Variants in CAMTA1 observed in about 807,000 individuals in gnomAD.
The protein encoded by CAMTA1 is calmodulin binding transcription activator 1, also known as calmodulin-binding transcription activator 1.
CAMTA1 carries 27 observed loss-of-function variants against 170.9 expected under a neutral mutation model. The observed-to-expected ratio is 0.16, with a 90% CI of 0.12 to 0.22. The LOEUF is 0.22. Ranked by LOEUF, CAMTA1 falls within the 10% of genes least tolerant of loss-of-function variation. The pLI is 1.00. For synonymous variants in CAMTA1, 833 were observed against 891.5 expected (o/e 0.93, Z 1.17); for missense variants, 1,619 against 2,217.2 (o/e 0.73, Z 5.42).
At chr1:7,262,014 A>G (rs1012269198) in intron 5 of CAMTA1, among the ~76,000 whole-genome samples, 1 of 152,202 alleles carries the variant, frequency 6.6e-6, no homozygotes, top group Non-Finnish European at 1.5e-5. Flanking sequence ...ATCCTTTTAT[A>G]TGATGTGGTG....
At chr1:7,728,074 T>C (rs1344807998) in intron 11 of CAMTA1, among the ~76,000 whole-genome samples, 1 of 152,264 alleles carries the variant, frequency 6.6e-6, no homozygotes, top group African/African-American at 2.4e-5. Context: ...TAATTGCTTC[T>C]GAGTATTTTC....
At chr1:7,444,395 C>A (rs113795993) in intron 5 of CAMTA1, among the ~76,000 whole-genome samples, 76 of 152,290 alleles carry the variant, frequency 5.0e-4, no homozygotes, top group African/African-American at 1.8e-3. Context: ...TGGGCTGGCA[C>A]CAGCCTGAGC....
intron 3 of CAMTA1, among the ~76,000 whole-genome samples, chr1:7,081,523 A>G (rs1322185954): frequency 1.3e-5 from 2 of 152,374 alleles, no homozygotes; most frequent in Admixed American, 1.3e-4. Context: ...TGTTCTGGTT[A>G]GCATTGCACT....
chr1:7,176,108 G>T lies in CAMTA1; in HGVS notation c.303-73383G>T, dbSNP rs369799646. Among the ~76,000 whole-genome samples, 113 of 152,290 alleles carry T rather than the reference G, an allele frequency of 7.4e-4. 1 individual carries two copies. Among genetic ancestry groups the T allele is most frequent in the African/African-American group, 2.6e-3 (109 of 41,552 alleles). On this transcript the variant is annotated intron_variant, in intron 4 of 22. Transcript: ENST00000303635. ...AGATTCCTCCTCTTCGGTAATTGGGGTATAGCGGGGATAGATACCTCTTGA... is the reference window on the plus strand; with the variant it reads ...AGATTCCTCCTCTTCGGTAATTGGGTTATAGCGGGGATAGATACCTCTTGA...
At chr1:7,478,535 GC>G (rs2093461147) in intron 6 of CAMTA1, among the ~76,000 whole-genome samples, 1 of 152,244 alleles carries the variant, frequency 6.6e-6, no homozygotes, top group Admixed American at 6.5e-5. Context: ...AGCTTCCGGA[GC>G]CGCAGTTCCT....
rs889787950 is a variant in CAMTA1 at position 6,869,455 on chromosome 1, C to T, written c.234+44245C>T. Among the ~76,000 whole-genome samples the T allele has an allele frequency of 6.6e-5, 10 of 152,290 alleles. No homozygotes were observed. In the South Asian group the frequency reaches 8.3e-4, roughly 13 times the overall value. Reference sequence around the variant, plus strand: ...TATATACTTGCCTCAGCAAACAGACCGGACTCAGAATCAGCTCTTTGTTGT... The same window carrying T: ...TATATACTTGCCTCAGCAAACAGACTGGACTCAGAATCAGCTCTTTGTTGT... On this transcript the variant is annotated intron_variant, in intron 3 of 22. Transcript: ENST00000303635.
intron 5 of CAMTA1, among the ~76,000 whole-genome samples, chr1:7,417,678 C>CCCTTT (rs2091282309): frequency 6.6e-6 from 1 of 152,188 alleles, no homozygotes; most frequent in African/African-American, 2.4e-5. Flanking sequence ...CGTCTGTCAC[C>CCCTTT]CCTTTCTTTG....
chr1:7,765,919 C>T (rs1269647463), intron 22 of CAMTA1, among the ~76,000 whole-genome samples: 1 of 149,598 alleles, frequency 6.7e-6, no homozygotes, highest in South Asian at 2.2e-4. Flanking sequence ...CCCAGCTACT[C>T]GGGAGGCTAA....
chr1:6,987,817 C>T (rs936739579), intron 3 of CAMTA1, among the ~76,000 whole-genome samples: 58 of 152,112 alleles, frequency 3.8e-4, no homozygotes, highest in African/African-American at 1.4e-3. Flanking sequence ...CCCTTCTTCC[C>T]CATCACTCCT....
chr1:7,732,710 C>T lies in CAMTA1; in HGVS notation c.3066+111C>T. ...CTGCTGCTGATGCGGTCCCTGTATT[C>T]AGGCAGAAGGCCTGAGGGAGTACTT... On this transcript the variant is annotated intron_variant, in intron 12 of 22. Transcript: ENST00000303635. This position sits in a 1 kb window ranked among gnomAD's most constrained non-coding sequence, Gnocchi z 4.1. 5.7e-6 allele frequency: 8 copies of T among 1,415,886 alleles called. No homozygotes were observed. The highest frequency in any genetic ancestry group is 7.5e-6 in the Non-Finnish European group (8 of 1,065,304). The allele number at this position is 1,415,886 out of a possible 1,614,324, so 87.7% of individuals were successfully genotyped here.
chr1:7,150,402 G>T (rs1444562376), intron 4 of CAMTA1, among the ~76,000 whole-genome samples: 1 of 152,172 alleles, frequency 6.6e-6, no homozygotes, highest in African/African-American at 2.4e-5. Flanking sequence ...TCAGAGCGGG[G>T]GCAAGCAGAT....
At chr1:7,079,955 A>G (rs975733261) in intron 3 of CAMTA1, among the ~76,000 whole-genome samples, 9 of 152,242 alleles carry the variant, frequency 5.9e-5, no homozygotes, top group Non-Finnish European at 1.0e-4. Flanking sequence ...AATTATCCTT[A>G]CATGGTCCTG....
intron 3 of CAMTA1, among the ~76,000 whole-genome samples, chr1:6,880,643 G>T (rs1671301591): frequency 6.6e-6 from 1 of 152,144 alleles, no homozygotes. Context: ...GCCCGCCTTG[G>T]CCTCCCAGAG....
At chr1:7,516,149 C>T (rs568073793) in intron 6 of CAMTA1, among the ~76,000 whole-genome samples, 4 of 152,330 alleles carry the variant, frequency 2.6e-5, no homozygotes, top group African/African-American at 9.6e-5. Flanking sequence ...TAAGTCTCCA[C>T]CGCTTAACAC....
intron 6 of CAMTA1, among the ~76,000 whole-genome samples, chr1:7,594,209 G>GGAAGGAAGGAAGGAAGGAAA (rs2095379116): frequency 7.0e-6 from 1 of 143,408 alleles, no homozygotes; most frequent in Non-Finnish European, 1.5e-5. Context: ...GGGGAAGGAA[G>GGAAGGAAGGAAGGAAGGAAA]GAAGGAAGGA....
rs188317756 is a variant in CAMTA1, at chr1:6,880,918, G to A, written c.234+55708G>A. Among the ~76,000 whole-genome samples, 3 of 152,166 alleles carry A rather than the reference G, an allele frequency of 2.0e-5. No individual in the cohort carries two copies. The East Asian group carries it at 5.8e-4, about 29-fold the overall frequency. ...GAGCTTATTTTCTGGTTGGGGGAGA[G>A]GAATAATAATAAACAATAAACAAAA... is the stretch of plus-strand genomic sequence containing the variant. On this transcript the variant is annotated intron_variant, in intron 3 of 22. Transcript: ENST00000303635.
intron 3 of CAMTA1, among the ~76,000 whole-genome samples, chr1:7,084,120 GA>G (rs1640402651): frequency 6.6e-6 from 1 of 152,004 alleles, no homozygotes; most frequent in Non-Finnish European, 1.5e-5. Context: ...ATAGACTATA[GA>G]GAGATTTTTA....
chr1:6,991,801 C>T (rs954482476), intron 3 of CAMTA1, among the ~76,000 whole-genome samples: 4 of 152,082 alleles, frequency 2.6e-5, no homozygotes, highest in African/African-American at 4.8e-5. Context: ...TGGGTTGAAG[C>T]GATTCTCCGG....
intron 3 of CAMTA1, among the ~76,000 whole-genome samples, chr1:7,033,196 G>T (rs545380576): frequency 3.9e-5 from 6 of 152,282 alleles, no homozygotes; most frequent in African/African-American, 9.6e-5. Flanking sequence ...GCTTAAAGTT[G>T]TTGCAGATAC....
Sources: gnomAD v4.1 joint callset for allele counts (sites outside exome capture counted in the v4.1 genomes callset) on GRCh38, gnomAD v4.1.1 for gene constraint, Gnocchi (gnomAD v3.1) non-coding constraint, MANE v1.5 for transcripts, NCBI Gene and HGNC (gene_info 2026-07-23, HGNC 2026-07-21) for gene names.